The following DYRK4 variants were observed in gnomAD, a reference collection of about 807,000 sequenced individuals.
DYRK4 encodes dual specificity tyrosine phosphorylation regulated kinase 4, also known as dual specificity tyrosine-phosphorylation-regulated kinase 4.
In DYRK4, 64 loss-of-function variants were observed where a neutral mutation model predicts 68.3. The observed-to-expected ratio is 0.94, with a 90% CI of 0.77 to 1.15. The LOEUF (loss-of-function observed/expected upper bound fraction) is 1.15. DYRK4 is among the 50% of genes most tolerant of loss of function. The probability of loss-of-function intolerance (pLI) is 0.00; values close to 1 mark genes in which losing one functional copy is unlikely to be tolerated. For synonymous variants in DYRK4, 274 were observed against 289.9 expected (o/e 0.95, Z 0.56); for missense variants, 740 against 764.7 (o/e 0.97, Z 0.38).
At chr12:4,600,135 C>T (rs950168050) in intron 10 of DYRK4, among the ~76,000 whole-genome samples, 9 of 152,154 alleles carry the variant, frequency 5.9e-5, no homozygotes, top group Admixed American at 2.0e-4. Context: ...TAGAAGTCTG[C>T]GCTTCAGAAA....
chr12:4,566,834 C>G (rs756189531), intron 1 of DYRK4, among the ~76,000 whole-genome samples: 7 of 152,216 alleles, frequency 4.6e-5, no homozygotes, highest in Non-Finnish European at 8.8e-5. Flanking sequence ...AATGTTCCTA[C>G]TTACCTCCCC....
In DYRK4 at chr12:4,596,282, A is replaced by C; in HGVS notation, c.761A>C (p.Lys254Thr). Residue 254 changes from lysine to threonine, a missense_variant, in exon 7 of 15, where the codon AAG becomes ACG. Lys to Thr is a moderately conservative substitution (Grantham distance 78, BLOSUM62 -1). This residue lies in a region of DYRK4 where 614 missense variants were observed against 603.7 expected (regional missense o/e 1.02). Coordinates refer to ENST00000543431, the MANE Select transcript of DYRK4 (RefSeq NM_001394779.1). The stretch of plus-strand genomic sequence containing the variant: ...GCCCTGAAAATCATCAGGAACAAGA[A>C]GAGGTGTGGCTTGGGGATGACATAG... ...LVALKIIRNKKRFHQQALMEL... is the reference protein window; with the variant it reads ...LVALKIIRNKTRFHQQALMEL... The C allele has an allele frequency of 6.2e-7, 1 of 1,614,194 alleles. No individual in the cohort carries two copies. The highest frequency in any genetic ancestry group is 1.1e-5 in the South Asian group (1 of 91,080).
At chr12:4,603,594 C>T (rs754303014) in intron 10 of DYRK4, among the ~76,000 whole-genome samples, 1 of 152,234 alleles carries the variant, frequency 6.6e-6, no homozygotes, top group Non-Finnish European at 1.5e-5. Context: ...GACCCTGGCA[C>T]CTGCCTCCGC....
intron 2 of DYRK4, among the ~76,000 whole-genome samples, chr12:4,580,009 T>C (rs1164740509): frequency 1.3e-5 from 2 of 152,218 alleles, no homozygotes; most frequent in African/African-American, 2.4e-5. Flanking sequence ...TGGATAATGT[T>C]TGCCTCCCTT....
chr12:4,587,341 C>T (rs949184798), intron 2 of DYRK4, among the ~76,000 whole-genome samples: 2 of 152,184 alleles, frequency 1.3e-5, no homozygotes, highest in Admixed American at 6.5e-5. Context: ...AGAAGAGCGC[C>T]CCCTCTACCA....
At chr12:4,564,227 A>G (rs1944655198) in intron 1 of DYRK4, among the ~76,000 whole-genome samples, 2 of 152,348 alleles carry the variant, frequency 1.3e-5, no homozygotes, top group Admixed American at 1.3e-4. Flanking sequence ...ATAGTAAACA[A>G]TAATCTATTG....
rs1441590710 is a variant in DYRK4 at position 4,591,323 on chromosome 12, G to C, written c.463+25G>C. 6.2e-7 allele frequency: 1 copy of C among 1,611,750 alleles called. No homozygotes were observed. Among genetic ancestry groups the C allele is most frequent in the Non-Finnish European group, 8.5e-7 (1 of 1,179,012 alleles). On this transcript the variant is annotated intron_variant, in intron 5 of 14. Coordinates refer to ENST00000543431, the MANE Select transcript of DYRK4 (RefSeq NM_001394779.1). This position sits in a 1 kb window ranked among gnomAD's most constrained non-coding sequence, Gnocchi z 4.1. The stretch of plus-strand genomic sequence containing the variant: ...GGTATGCCTTTGGGGCAGTAGCAGG[G>C]TGGGGAGGTGCTTATGGAAGGTCGG...
intron 2 of DYRK4, among the ~76,000 whole-genome samples, chr12:4,577,369 T>C (rs1274154405): frequency 6.6e-6 from 1 of 152,184 alleles, no homozygotes; most frequent in Non-Finnish European, 1.5e-5. Context: ...CATGCTGGGC[T>C]TAGTACTATT....
At chr12:4,604,224 A>G (rs1267363406) in intron 10 of DYRK4, among the ~76,000 whole-genome samples, 2 of 152,232 alleles carry the variant, frequency 1.3e-5, no homozygotes, top group Non-Finnish European at 2.9e-5. Context: ...AAGTACCACA[A>G]ACACATTTGG....
intron 2 of DYRK4, among the ~76,000 whole-genome samples, chr12:4,578,829 C>G (rs1002715224): frequency 6.6e-6 from 1 of 152,184 alleles, no homozygotes; most frequent in Non-Finnish European, 1.5e-5. Flanking sequence ...GGTCTGTGTA[C>G]TTTTCTCTAT....
chr12:4,590,312 C>A lies in DYRK4; in HGVS notation c.214-18C>A. 1 of 1,527,232 alleles carries A rather than the reference C, an allele frequency of 6.5e-7. No individual in the cohort carries two copies. Among genetic ancestry groups the A allele is most frequent in the South Asian group, 1.2e-5 (1 of 82,010 alleles). The allele number at this position is 1,527,232 out of a possible 1,614,324, so 94.6% of individuals were successfully genotyped here. On this transcript the variant is annotated intron_variant, in intron 3 of 14. Transcript: ENST00000543431. ...TTGCCTAAGGCTTTTGTAACACATG[C>A]AATTTCTCCTTCTACAGAACACCAG...
At chr12:4,567,181 A>G (rs185801552) in intron 1 of DYRK4, 2 of 152,362 alleles carry the variant, frequency 1.3e-5, no homozygotes, top group East Asian at 1.9e-4. Context: ...TGGTGCCATC[A>G]TCATTTATAT....
intron 2 of DYRK4, among the ~76,000 whole-genome samples, chr12:4,575,299 C>CGTGTGTGTGTGTGTGTGTGTGTG (rs1555120909): frequency 6.0e-5 from 9 of 148,966 alleles, no homozygotes; most frequent in African/African-American, 2.2e-4. Flanking sequence ...CAATAACTTA[C>CGTGTGTGTGTGTGTGTGTGTGTG]TGTGTGTGTG....
chr12:4,572,978 A>G (rs1235447631), intron 2 of DYRK4: 2 of 265,436 alleles, frequency 7.5e-6, no homozygotes, highest in Non-Finnish European at 1.5e-5. Flanking sequence ...ACAAAACAAA[A>G]TCCTGATCCG....
chr12:4,607,259 G>T, intron 11 of DYRK4, 68 bp from the exon 12 acceptor site: 1 of 1,590,720 alleles, frequency 6.3e-7, no homozygotes, highest in Non-Finnish European at 8.6e-7. Flanking sequence ...GCCAAAGTAC[G>T]CTCCACCCCT....
In DYRK4 at chr12:4,591,392, G is replaced by A. The variant is rs1156743159; in HGVS notation, c.463+94G>A. On this transcript the variant is annotated intron_variant, in intron 5 of 14. Coordinates refer to ENST00000543431, the MANE Select transcript of DYRK4 (RefSeq NM_001394779.1). The surrounding 1 kb of genome is among the most constrained non-coding windows in gnomAD (Gnocchi z 4.1). Reference sequence around the variant, plus strand: ...GCGCTGGAGTGAGCTAAGCTGCCAGGTGTCAGAGTAGTCAAAGAAGGCAGC... The same window carrying A: ...GCGCTGGAGTGAGCTAAGCTGCCAGATGTCAGAGTAGTCAAAGAAGGCAGC... The A allele has an allele frequency of 1.9e-5, 29 of 1,497,910 alleles. No individual in the cohort carries two copies. The highest frequency in any genetic ancestry group is 2.6e-5 in the Non-Finnish European group (29 of 1,120,818). 92.8% of individuals were successfully genotyped at this position (1,497,910 alleles called of 1,614,324 possible).
rs1411352291 is a variant in DYRK4 at position 4,613,505 on chromosome 12, C to T, written c.1667-10C>T. 1.2e-6 allele frequency: 2 copies of T among 1,606,308 alleles called. No homozygotes were observed. The highest frequency in any genetic ancestry group is 1.7e-6 in the Non-Finnish European group (2 of 1,173,778). On this transcript the variant is annotated splice_polypyrimidine_tract_variant and intron_variant, in intron 14 of 14. Transcript: ENST00000543431. This position sits in a 1 kb window ranked among gnomAD's most constrained non-coding sequence, Gnocchi z 4.0. ...TCTTGTTCCCTTCTGTCTTCTCTCT[C>T]CTTTAGCAGATGAGATCACCAAAGA...
At position 4,590,256 on chromosome 12, in the gene DYRK4, G is replaced by T. The variant is rs146900917; in HGVS notation, c.214-74G>T. On this transcript the variant is annotated intron_variant, in intron 3 of 14. Coordinates refer to ENST00000543431, the MANE Select transcript of DYRK4 (RefSeq NM_001394779.1). ...TCTTGTTGGGGAATTGGGAAGGGAG[G>T]CTGGAAGAAATGACCCCTGGAGACG... 151 of 1,466,344 alleles carry T rather than the reference G, an allele frequency of 1.0e-4. 1 individual carries two copies. The African/African-American group carries it at 1.8e-3, about 18-fold the overall frequency. The allele number at this position is 1,466,344 out of a possible 1,614,324, so 90.8% of individuals were successfully genotyped here.
chr12:4,592,897 G>A (rs1412277079), intron 5 of DYRK4, 105 bp from the exon 6 acceptor site: 2 of 1,421,818 alleles, frequency 1.4e-6, no homozygotes, highest in East Asian at 4.7e-5. Flanking sequence ...CCCAGCTGGG[G>A]AACAGGCTGA....
Sources: allele counts gnomAD v4.1 joint callset (sites outside exome capture counted in the v4.1 genomes callset), GRCh38; gene constraint gnomAD v4.1.1; regional missense constraint gnomAD v4.1.1; non-coding constraint Gnocchi (gnomAD v3.1); transcripts MANE v1.5; gene names NCBI Gene and HGNC (gene_info 2026-07-23, HGNC 2026-07-21).